SYN2: variants seen among roughly 807,000 people sequenced by gnomAD.
SYN2 encodes synapsin II, also known as synapsin-2.
Under a neutral mutation model 50.9 loss-of-function variants are expected in SYN2, and 19 were observed. The ratio of observed to expected loss-of-function variants is 0.37; its 90% CI spans 0.26 to 0.55. SYN2 has a LOEUF of 0.55. Ranked by LOEUF, SYN2 falls within the 20% of genes least tolerant of loss-of-function variation. SYN2 has a pLI of 0.81. For missense variants in SYN2, 587 were observed against 576.4 expected (o/e 1.02, Z -0.19); for synonymous variants, 255 against 224.9 (o/e 1.13, Z -1.20).
chr3:12,093,737 T>C (rs1377339095), intron 1 of SYN2, among the ~76,000 whole-genome samples: 1 of 152,218 alleles, frequency 6.6e-6, no homozygotes, highest in Non-Finnish European at 1.5e-5. Context: ...CTGCTGTTCT[T>C]TGCTGATATC....
intron 1 of SYN2, among the ~76,000 whole-genome samples, chr3:12,033,384 G>A (rs1694423346): frequency 6.6e-6 from 1 of 152,148 alleles, no homozygotes; most frequent in South Asian, 2.1e-4. Context: ...AGTAATTCTT[G>A]TGCTTTCTTT....
At chr3:12,075,626 G>A (rs1222990811) in intron 1 of SYN2, among the ~76,000 whole-genome samples, 2 of 151,946 alleles carry the variant, frequency 1.3e-5, no homozygotes, top group African/African-American at 4.8e-5. Flanking sequence ...AATCTTCAGG[G>A]TCATTATTTT....
chr3:12,156,169 CT>C (rs1176524046), intron 5 of SYN2, among the ~76,000 whole-genome samples: 1 of 152,216 alleles, frequency 6.6e-6, no homozygotes, highest in Non-Finnish European at 1.5e-5. Context: ...CACTGCTGTG[CT>C]TTTTCTTTCC....
chr3:12,044,207 A>ACACACCCC (rs58000047), intron 1 of SYN2, among the ~76,000 whole-genome samples: 5 of 144,922 alleles, frequency 3.5e-5, no homozygotes, highest in East Asian at 2.2e-4. Flanking sequence ...ACACACACAC[A>ACACACCCC]CACACACACA....
intron 10 of SYN2, among the ~76,000 whole-genome samples, chr3:12,176,902 G>A (rs1379373462): frequency 1.3e-5 from 2 of 152,150 alleles, no homozygotes; most frequent in South Asian, 2.1e-4. Context: ...AACGGCATGC[G>A]GCTGCCACAT....
chr3:12,071,962 T>G (rs1695363182), intron 1 of SYN2, among the ~76,000 whole-genome samples: 1 of 152,120 alleles, frequency 6.6e-6, no homozygotes, highest in South Asian at 2.1e-4. Flanking sequence ...TTATGTAAGG[T>G]TTTTTTGTAT....
intron 1 of SYN2, among the ~76,000 whole-genome samples, chr3:12,076,044 C>G (rs949513776): frequency 7.2e-5 from 11 of 151,856 alleles, no homozygotes; most frequent in African/African-American, 2.7e-4. Context: ...TATTGAGGTG[C>G]CTTTACAGAG....
intron 5 of SYN2, chr3:12,154,232 A>AC (rs1697386675): frequency 6.4e-7 from 1 of 1,553,886 alleles, no homozygotes; most frequent in African/African-American, 1.4e-5. Flanking sequence ...TGCAGATCTC[A>AC]AGTATAGTCT....
At chr3:12,150,620 A>G (rs1574968967) in intron 4 of SYN2, among the ~76,000 whole-genome samples, 2 of 152,230 alleles carry the variant, frequency 1.3e-5, no homozygotes, top group Admixed American at 1.3e-4. Context: ...CAAAGGGTCC[A>G]GTAAGTTCAG....
intron 1 of SYN2, among the ~76,000 whole-genome samples, chr3:12,015,406 A>C (rs1228213731): frequency 6.6e-6 from 1 of 152,162 alleles, no homozygotes; most frequent in Admixed American, 6.5e-5. Flanking sequence ...GGACAAAGAA[A>C]GTTTTCAGTA....
intron 1 of SYN2, among the ~76,000 whole-genome samples, chr3:12,035,699 G>A (rs977357293): frequency 1.3e-5 from 2 of 152,136 alleles, no homozygotes; most frequent in South Asian, 2.1e-4. Context: ...GTTTGTAATC[G>A]GATAAGAAAA....
At chr3:12,157,423 T>C (rs1697490259) in intron 5 of SYN2, 1 of 1,614,196 alleles carries the variant, frequency 6.2e-7, no homozygotes, top group East Asian at 2.2e-5. Flanking sequence ...ATTTTTTCAG[T>C]GTCAGCAGGG....
intron 1 of SYN2, chr3:12,071,310 C>T (rs1695349158): frequency 3.5e-6 from 2 of 566,866 alleles, no homozygotes; most frequent in African/African-American, 1.9e-5. Flanking sequence ...TGTGGATTAA[C>T]AAGCAGGAGT....
rs574118607 is a variant in SYN2 at position 12,072,096 on chromosome 3, AC to A, written c.377+67169del. Among the ~76,000 whole-genome samples, 8 of 152,332 alleles carry A rather than the reference AC, an allele frequency of 5.3e-5. No individual in the cohort carries two copies. In the South Asian group the frequency reaches 1.2e-3, roughly 24 times the overall value. On this transcript the variant is annotated intron_variant, in intron 1 of 12. Transcript: ENST00000621198. Reference sequence around the variant, plus strand: ...ATAAAAATGCTGCCGTTAAAAAAAAACAAAAACCTTTTTATGTGATTTTGGC... The same window carrying A: ...ATAAAAATGCTGCCGTTAAAAAAAAAAAAAACCTTTTTATGTGATTTTGGC...
chr3:12,026,547 G>A (rs1381425969), intron 1 of SYN2, among the ~76,000 whole-genome samples: 1 of 152,182 alleles, frequency 6.6e-6, no homozygotes, highest in Non-Finnish European at 1.5e-5. Context: ...CTTAAAGGAA[G>A]AATAGAAGTT....
intron 1 of SYN2, among the ~76,000 whole-genome samples, chr3:12,133,698 C>G (rs540427029): frequency 6.6e-6 from 1 of 152,236 alleles, no homozygotes; most frequent in Non-Finnish European, 1.5e-5. Flanking sequence ...CTTCAGTCTT[C>G]TCCACATTCC....
chr3:12,078,648 G>A (rs566434005), intron 1 of SYN2, among the ~76,000 whole-genome samples: 1 of 152,184 alleles, frequency 6.6e-6, no homozygotes, highest in African/African-American at 2.4e-5. Context: ...TCTCTGTTCT[G>A]TTCCATTGGC....
intron 1 of SYN2, among the ~76,000 whole-genome samples, chr3:12,063,271 T>C (rs1215630527): frequency 2.6e-5 from 4 of 151,998 alleles, no homozygotes; most frequent in African/African-American, 9.7e-5. Context: ...CAGGATAGAA[T>C]GCAGAATGTG....
At chr3:12,045,201 A>G (rs1055987865) in intron 1 of SYN2, among the ~76,000 whole-genome samples, 1 of 152,182 alleles carries the variant, frequency 6.6e-6, no homozygotes, top group Non-Finnish European at 1.5e-5. Flanking sequence ...AGGGGGGTTT[A>G]CTGCATTTAG....
Sources: gnomAD v4.1 joint callset for allele counts (sites outside exome capture counted in the v4.1 genomes callset) on GRCh38, gnomAD v4.1.1 for gene constraint, MANE v1.5 for transcripts, NCBI Gene and HGNC (gene_info 2026-07-23, HGNC 2026-07-21) for gene names.